Variants in SYNE1 observed in about 807,000 individuals in gnomAD.
SYNE1 encodes spectrin repeat containing nuclear envelope protein 1, also known as nesprin-1.
SYNE1 carries 616 observed loss-of-function variants against 1,111.0 expected under a neutral mutation model. That is an observed-to-expected ratio of 0.55 (90% CI 0.52 to 0.59). SYNE1 has a LOEUF of 0.59. SYNE1 is among the 20% of genes least tolerant of loss of function. The probability of loss-of-function intolerance (pLI) is 0.00; values close to 1 mark genes in which losing one functional copy is unlikely to be tolerated. For synonymous variants in SYNE1, 3,855 were observed against 3,825.8 expected, an observed-to-expected ratio of 1.01 and a Z score of -0.28; for missense variants, 10,006 against 10,417.0, an observed-to-expected ratio of 0.96 and a Z score of 1.72.
At chr6:152,287,250 T>C (rs574244735) in intron 95 of SYNE1, among the ~76,000 whole-genome samples, 1 of 152,350 alleles carries the variant, frequency 6.6e-6, no homozygotes, top group Non-Finnish European at 1.5e-5. Context: ...TCATGTCCAG[T>C]GTAGAAAGAG....
intron 3 of SYNE1, among the ~76,000 whole-genome samples, chr6:152,616,127 A>C (rs1408382568): frequency 6.6e-6 from 1 of 152,222 alleles, no homozygotes; most frequent in Non-Finnish European, 1.5e-5. Context: ...CTTGTAAAGA[A>C]ATGTAAAGGC....
intron 14 of SYNE1, among the ~76,000 whole-genome samples, chr6:152,472,878 G>T (rs1193982384): frequency 6.6e-6 from 1 of 152,148 alleles, no homozygotes; most frequent in East Asian, 1.9e-4. Flanking sequence ...AGTGGTATTT[G>T]CTTGCCATCT....
chr6:152,300,509 CA>C, intron 93 of SYNE1, 131 bp downstream of exon 93: 1 of 1,281,234 alleles, frequency 7.8e-7, no homozygotes, highest in Non-Finnish European at 1.1e-6. Flanking sequence ...GCAACTATAA[CA>C]CCTAATAGTG....
At position 152,152,102 on chromosome 6, in the gene SYNE1, C is replaced by A; in HGVS notation, c.24169G>T (p.Glu8057Ter). 6.2e-7 allele frequency: 1 copy of A among 1,614,170 alleles called. No homozygotes were observed. The highest frequency in any genetic ancestry group is 8.5e-7 in the Non-Finnish European group (1 of 1,180,042). Residue 8057 changes from glutamate to a stop codon, truncating the protein, a stop_gained, in exon 134 of 146, where the codon GAA (glutamate) becomes TAA (stop). Coordinates refer to ENST00000367255, the MANE Select transcript of SYNE1 (RefSeq NM_182961.4). LOFTEE classifies it high-confidence loss of function. Reference sequence around the variant, plus strand: ...CGGCGGTACTGCTTGTTGATCAGTTCCAGCTGCGTCAGGCACTCGTGGACC... The same window carrying A: ...CGGCGGTACTGCTTGTTGATCAGTTACAGCTGCGTCAGGCACTCGTGGACC... The part of the protein sequence containing the change: ...RQVHECLTQL[E>*]LINKQYRRLA...
chr6:152,484,494 G>A (rs564025780), intron 13 of SYNE1, among the ~76,000 whole-genome samples: 5 of 152,338 alleles, frequency 3.3e-5, no homozygotes, highest in East Asian at 3.9e-4. Context: ...TGGAGAATCT[G>A]CTACAAGACC....
intron 108 of SYNE1, 141 bp from the exon 109 acceptor site, chr6:152,237,089 CA>C: frequency 8.7e-7 from 1 of 1,145,346 alleles, no homozygotes; most frequent in South Asian, 1.3e-5. Context: ...CTTTGGGAAG[CA>C]AAAGATGGCT....
chr6:152,122,033 A>G lies in SYNE1; in HGVS notation c.*403T>C. 3.6e-6 allele frequency: 1 copy of G among 279,656 alleles called. No individual in the cohort carries two copies. Among genetic ancestry groups the G allele is most frequent in the Non-Finnish European group, 6.9e-6 (1 of 144,060 alleles). The allele number at this position is 279,656 out of a possible 1,614,324, so 17.3% of individuals were successfully genotyped here. A position where few individuals can be genotyped will look rare whatever the true frequency, so the allele number is the denominator to read the frequency against. On this transcript the variant is annotated 3_prime_UTR_variant, in exon 146 of 146. Transcript: ENST00000367255. Reference sequence around the variant, plus strand: ...GGTTGGTAGATTGTACGACACTGACATGGTGCTTGGGAGGGTCATTTATCT... The same window carrying G: ...GGTTGGTAGATTGTACGACACTGACGTGGTGCTTGGGAGGGTCATTTATCT...
chr6:152,541,872 C>T (rs915312558), intron 3 of SYNE1, among the ~76,000 whole-genome samples: 1 of 151,264 alleles, frequency 6.6e-6, no homozygotes, highest in Non-Finnish European at 1.5e-5. Context: ...GGTGACGAGA[C>T]CATTCATACA....
In SYNE1 at chr6:152,430,704, T is replaced by G. The variant is rs770776628; in HGVS notation, c.4467A>C (p.Thr1489=). Residue 1489 remains threonine, a synonymous_variant, in exon 35 of 146, where the codon ACA becomes ACC. Coordinates refer to ENST00000367255, the MANE Select transcript of SYNE1 (RefSeq NM_182961.4). ...TGAGCTTACTTTCTATTTCCTGAAT[T>G]GTGACCTAATAGTTAAAACAAGAAA... ...MDMQISQIKV[T]IQEIESKLSS... is the part of the protein sequence containing the mutation. The G allele has an allele frequency of 1.2e-6, 2 of 1,613,908 alleles. No homozygotes were observed. Among genetic ancestry groups the G allele is most frequent in the Non-Finnish European group, 1.7e-6 (2 of 1,179,860 alleles).
intron 130 of SYNE1, among the ~76,000 whole-genome samples, chr6:152,165,303 TATC>T (rs1437533034): frequency 1.3e-5 from 2 of 152,344 alleles, no homozygotes; most frequent in East Asian, 3.9e-4. Context: ...TTAAAATTGT[TATC>T]ATCACTTCTG....
At chr6:152,287,353 G>A (rs907532942) in intron 95 of SYNE1, among the ~76,000 whole-genome samples, 6 of 151,966 alleles carry the variant, frequency 3.9e-5, no homozygotes, top group Non-Finnish European at 7.4e-5. Context: ...CTCTGGGCTC[G>A]AATTCTGTTC....
chr6:152,605,053 G>A (rs1417380919), intron 3 of SYNE1, among the ~76,000 whole-genome samples: 10 of 61,678 alleles, frequency 1.6e-4, no homozygotes, highest in African/African-American at 6.4e-4. Flanking sequence ...AGGGAGGGAG[G>A]GAGGGAGGGA....
At chr6:152,399,531 CT>C in intron 48 of SYNE1, 84 bp downstream of exon 48, 2 of 1,537,994 alleles carry the variant, frequency 1.3e-6, no homozygotes, top group Non-Finnish European at 1.8e-6. Context: ...TTTCCTCAAA[CT>C]TTTGCTGGCA....
chr6:152,334,891 G>A (rs754590479), intron 76 of SYNE1, among the ~76,000 whole-genome samples: 3 of 152,182 alleles, frequency 2.0e-5, no homozygotes, highest in Non-Finnish European at 4.4e-5. Context: ...GAACGCCTCT[G>A]ACGGAAACCT....
rs118146812 is a variant in SYNE1 at position 152,268,996 on chromosome 6, C to T, written c.18705+159G>A. Among the ~76,000 whole-genome samples the T allele has an allele frequency of 7.0e-4, 107 of 152,280 alleles. 2 individuals carry two copies. In the East Asian group the frequency reaches 0.019, roughly 26 times the overall value. Reference sequence around the variant, plus strand: ...ACCAATCATCCCAGTGGTCATGAGTCAATACACTGAAACACCAACATCTTG... The same window carrying T: ...ACCAATCATCCCAGTGGTCATGAGTTAATACACTGAAACACCAACATCTTG... On this transcript the variant is annotated intron_variant, in intron 99 of 145. Coordinates refer to ENST00000367255, the MANE Select transcript of SYNE1 (RefSeq NM_182961.4).
At position 152,387,146 on chromosome 6, in the gene SYNE1, C is replaced by A. The variant is rs1289343897; in HGVS notation, c.8413G>T (p.Glu2805Ter). The A allele has an allele frequency of 6.2e-7, 1 of 1,614,172 alleles. No individual in the cohort carries two copies. Among genetic ancestry groups the A allele is most frequent in the Admixed American group, 1.7e-5 (1 of 60,024 alleles). The change falls in exon 54 of 146, where the codon GAG becomes TAG. Residue 2805 changes from glutamate (E) to a stop codon, truncating the protein, a stop_gained. Coordinates refer to ENST00000367255, the MANE Select transcript of SYNE1 (RefSeq NM_182961.4). LOFTEE classifies it high-confidence loss of function. ...GCTGTGTCCTTGAAAGACTCATCCT[C>A]TGTCTTTTCGTAGAGCTCCCTGGAC... The part of the protein sequence containing the change: ...AKSRELYEKT[E>*]DESFKDTAQE...
intron 139 of SYNE1, among the ~76,000 whole-genome samples, chr6:152,140,816 G>A (rs902940210): frequency 6.6e-6 from 1 of 151,828 alleles, no homozygotes; most frequent in Non-Finnish European, 1.5e-5. Context: ...GGTGGATCAC[G>A]AGGTCAGGAG....
At chr6:152,208,537 C>G (rs1388823899) in intron 124 of SYNE1, among the ~76,000 whole-genome samples, 1 of 152,138 alleles carries the variant, frequency 6.6e-6, no homozygotes, top group Non-Finnish European at 1.5e-5. Context: ...GGAATAGCTG[C>G]AAATCCTAAG....
intron 78 of SYNE1, among the ~76,000 whole-genome samples, chr6:152,328,056 A>G (rs1164645988): frequency 6.6e-6 from 1 of 152,200 alleles, no homozygotes; most frequent in African/African-American, 2.4e-5. Context: ...AATGAGAGCT[A>G]AGATTCATCT....
Sources: allele counts gnomAD v4.1 joint callset (sites outside exome capture counted in the v4.1 genomes callset), GRCh38; gene constraint gnomAD v4.1.1; transcripts MANE v1.5; gene names NCBI Gene and HGNC (gene_info 2026-07-23, HGNC 2026-07-21).